Variants in SENP6 observed in about 807,000 individuals in gnomAD.
SENP6 encodes sentrin-specific protease 6.
A neutral mutation model predicts 134.5 loss-of-function variants in SENP6; 41 were observed. That is an observed-to-expected ratio of 0.30 (90% CI 0.24 to 0.40). The LOEUF (loss-of-function observed/expected upper bound fraction) is 0.40. Ranked by LOEUF, SENP6 falls within the 10% of genes least tolerant of loss-of-function variation. The pLI, the probability that SENP6 is intolerant of heterozygous loss-of-function variation, is 1.00. For synonymous variants in SENP6, 395 were observed against 429.8 expected (o/e 0.92, Z 1.00); for missense variants, 1,248 against 1,312.5 (o/e 0.95, Z 0.76).
At chr6:75,623,653 C>T (rs1198783226) in intron 2 of SENP6, among the ~76,000 whole-genome samples, 2 of 152,142 alleles carry the variant, frequency 1.3e-5, no homozygotes, top group East Asian at 1.9e-4. Context: ...GCTAATCTTG[C>T]GTGCCACCTA....
At chr6:75,669,359 AAATAAT>A (rs1165342643) in intron 10 of SENP6, among the ~76,000 whole-genome samples, 1 of 152,244 alleles carries the variant, frequency 6.6e-6, no homozygotes, top group African/African-American at 2.4e-5. Context: ...CCATCTCAAA[AAATAAT>A]AATAATGGAA....
In SENP6 at chr6:75,685,951, C is replaced by G. The variant is rs574994251; in HGVS notation, c.2075+7024C>G. On this transcript the variant is annotated intron_variant, in intron 16 of 23. Transcript: ENST00000447266. ...CTGAGTTCAATTCCTGGGTATCCTT[C>G]TTCACTTTCTGTCTCGTTGATCTGT... Among the ~76,000 whole-genome samples the G allele has an allele frequency of 7.2e-5, 11 of 151,954 alleles. No homozygotes were observed. The South Asian group carries it at 1.5e-3, about 20-fold the overall frequency.
In SENP6 at chr6:75,695,885, T is replaced by C; in HGVS notation, c.2157T>C (p.Asn719=). Residue 719 remains asparagine, a synonymous_variant, in exon 17 of 24, where the codon AAT becomes AAC. Transcript: ENST00000447266. ...IFSSFFYKRL[N]QRERRNHETT... ...GTTCTTTTTTCTATAAACGCCTTAA[T>C]CAGAGAGAGAGGAGAAATCATGAAA... is the stretch of plus-strand genomic sequence containing the variant. 3.1e-6 allele frequency: 5 copies of C among 1,606,596 alleles called. No homozygotes were observed. The highest frequency in any genetic ancestry group is 4.2e-6 in the Non-Finnish European group (5 of 1,177,126).
At chr6:75,676,868 T>C (rs1269738375) in intron 13 of SENP6, 162 bp from the exon 14 acceptor site, 4 of 547,106 alleles carry the variant, frequency 7.3e-6, no homozygotes, top group Non-Finnish European at 1.3e-5. Flanking sequence ...TACTGGTCTT[T>C]CCAGTGATTG....
rs2149813705 is a variant in SENP6 at position 75,602,360 on chromosome 6, T to G, written c.-165T>G. ...CAGGCCCGGGCGCGCCTGGCCTGCC[T>G]TTGTATAGGCCCGTCTGAACGTGGG... is the stretch of plus-strand genomic sequence containing the variant. On this transcript the variant is annotated 5_prime_UTR_variant, in exon 1 of 24. Coordinates refer to ENST00000447266, the MANE Select transcript of SENP6 (RefSeq NM_015571.4). The G allele has an allele frequency of 4.2e-6, 3 of 715,292 alleles. No individual in the cohort carries two copies. The highest frequency in any genetic ancestry group is 2.0e-5 in the South Asian group (1 of 49,650). 44.3% of individuals were successfully genotyped at this position (715,292 alleles called of 1,614,324 possible). A position where few individuals can be genotyped will look rare whatever the true frequency, so the allele number is the denominator to read the frequency against.
At chr6:75,658,789 T>C (rs1316626894) in intron 7 of SENP6, among the ~76,000 whole-genome samples, 1 of 151,658 alleles carries the variant, frequency 6.6e-6, no homozygotes, top group Non-Finnish European at 1.5e-5. Context: ...CTGGGCAACA[T>C]AGGGAGACCC....
intron 3 of SENP6, among the ~76,000 whole-genome samples, chr6:75,625,787 T>C (rs1768639397): frequency 6.6e-6 from 1 of 152,156 alleles, no homozygotes; most frequent in Admixed American, 6.5e-5. Flanking sequence ...GAGAATTGCT[T>C]GAGCTCAGGA....
chr6:75,703,133 A>C, intron 19 of SENP6, 61 bp downstream of exon 19: 1 of 1,327,786 alleles, frequency 7.5e-7, no homozygotes, highest in South Asian at 1.4e-5. Flanking sequence ...TTTTTTAATA[A>C]ACAGGATTAA....
intron 3 of SENP6, among the ~76,000 whole-genome samples, chr6:75,633,061 T>G (rs1769230678): frequency 6.6e-6 from 1 of 152,228 alleles, no homozygotes; most frequent in Non-Finnish European, 1.5e-5. Context: ...TTTTGCCTGT[T>G]ATATACTGTG....
intron 3 of SENP6, among the ~76,000 whole-genome samples, chr6:75,627,148 G>A (rs1768760823): frequency 6.6e-6 from 1 of 152,092 alleles, no homozygotes; most frequent in South Asian, 2.1e-4. Flanking sequence ...TTTTAGTAGA[G>A]CTGGGGTTTC....
At chr6:75,661,399 TACA>T (rs1435563414) in intron 8 of SENP6, among the ~76,000 whole-genome samples, 1 of 152,198 alleles carries the variant, frequency 6.6e-6, no homozygotes, top group Non-Finnish European at 1.5e-5. Context: ...CCTCCCTAAA[TACA>T]ACATCTTTTG....
rs757497618 is a variant in SENP6, at chr6:75,621,551, T to C, written c.72T>C (p.Ser24=). ...TTTCAGCTTTGGCTAGATCAGAGTC[T>C]AAGAGAGATGGAGGTTTTAAAAATA... ...TFLEALARSE[S]KRDGGFKNNW... is the part of the protein sequence containing the mutation. The change falls in exon 2 of 24, where the codon TCT becomes TCC. Residue 24 remains serine (S), a synonymous_variant. Coordinates refer to ENST00000447266, the MANE Select transcript of SENP6 (RefSeq NM_015571.4). 6.8e-6 allele frequency: 11 copies of C among 1,610,356 alleles called. No individual in the cohort carries two copies. In the South Asian group the frequency reaches 1.2e-4, roughly 18 times the overall value.
chr6:75,603,989 G>A (rs1360876282), intron 1 of SENP6, among the ~76,000 whole-genome samples: 3 of 152,176 alleles, frequency 2.0e-5, no homozygotes, highest in Non-Finnish European at 2.9e-5. Context: ...TGCAGCTTGT[G>A]TTACAGGTAG....
intron 19 of SENP6, among the ~76,000 whole-genome samples, chr6:75,706,502 A>T (rs1182613131): frequency 6.6e-6 from 1 of 152,196 alleles, no homozygotes. Flanking sequence ...TAGTGCCCTC[A>T]CCTACAAATT....
intron 1 of SENP6, among the ~76,000 whole-genome samples, chr6:75,619,445 ATGTGTGTG>A (rs61131437): frequency 4.7e-5 from 7 of 149,350 alleles, no homozygotes; most frequent in Middle Eastern, 3.4e-3. Flanking sequence ...CGTTGTGTCT[ATGTGTGTG>A]TGTGTGTGTG....
chr6:75,713,972 A>G (rs1252424280), intron 23 of SENP6, 147 bp downstream of exon 23: 15 of 619,658 alleles, frequency 2.4e-5, no homozygotes, highest in African/African-American at 2.2e-4. Context: ...AAACTTCTAA[A>G]TGGAAGAACC....
intron 10 of SENP6, among the ~76,000 whole-genome samples, chr6:75,668,502 A>T (rs753925218): frequency 6.0e-4 from 92 of 152,336 alleles, no homozygotes; most frequent in Middle Eastern, 6.8e-3. Flanking sequence ...TTCAAAAAAA[A>T]TAGTAATCCA....
chr6:75,622,745 T>C (rs1768372272), intron 2 of SENP6: 1 of 1,268,438 alleles, frequency 7.9e-7, no homozygotes, highest in Admixed American at 2.3e-5. Flanking sequence ...TGGCTAAATA[T>C]TGTAGGTGCT....
chr6:75,665,695 C>A (rs1469410194), intron 9 of SENP6, among the ~76,000 whole-genome samples: 1 of 152,124 alleles, frequency 6.6e-6, no homozygotes, highest in Non-Finnish European at 1.5e-5. Context: ...TTTCCAAGGA[C>A]CAGTTAAGAT....
Sources: gnomAD v4.1 joint callset for allele counts (sites outside exome capture counted in the v4.1 genomes callset) on GRCh38, gnomAD v4.1.1 for gene constraint, MANE v1.5 for transcripts, NCBI Gene and HGNC (gene_info 2026-07-23, HGNC 2026-07-21) for gene names.